CAST: variants seen among roughly 807,000 people sequenced by gnomAD.
The protein encoded by CAST is calpastatin.
CAST carries 76 observed loss-of-function variants against 119.6 expected under a neutral mutation model. The ratio of observed to expected loss-of-function variants is 0.64; its 90% CI spans 0.53 to 0.77. The LOEUF (loss-of-function observed/expected upper bound fraction) is 0.77, where lower values mean the gene tolerates loss of function less well. CAST is among the 30% of genes least tolerant of loss of function. CAST has a pLI of 0.00. For synonymous variants in CAST, 319 were observed against 331.6 expected, an observed-to-expected ratio of 0.96 and a Z score of 0.41; for missense variants, 953 against 946.5, an observed-to-expected ratio of 1.01 and a Z score of -0.09.
the CAST span, among the ~76,000 whole-genome samples, chr5:96,308,058 GT>G: frequency 4.6e-5 from 7 of 152,244 alleles, no homozygotes; most frequent in East Asian, 1.4e-3. Context: ...TTCCAACTTG[GT>G]TCCATTCTCC....
upstream of CAST, among the ~76,000 whole-genome samples, chr5:96,658,504 T>C (rs1176131502): frequency 1.3e-5 from 2 of 152,204 alleles, no homozygotes; most frequent in African/African-American, 4.8e-5. Context: ...GAATGCTGGT[T>C]GAATGGAAAC....
the CAST span, among the ~76,000 whole-genome samples, chr5:96,089,461 G>T: frequency 6.6e-6 from 1 of 152,112 alleles, no homozygotes; most frequent in Non-Finnish European, 1.5e-5. Context: ...TTTAACAAAA[G>T]GTCCACTTAA....
chr5:96,149,587 C>A, the CAST span, among the ~76,000 whole-genome samples: 1 of 152,176 alleles, frequency 6.6e-6, no homozygotes, highest in African/African-American at 2.4e-5. Flanking sequence ...AAGGGCAAAT[C>A]ATGGGGGTTA....
chr5:96,162,405 G>C, the CAST span, among the ~76,000 whole-genome samples: 1 of 152,016 alleles, frequency 6.6e-6, no homozygotes, highest in African/African-American at 2.4e-5. Context: ...AGCACGGGAT[G>C]GTATATTGTT....
the CAST span, among the ~76,000 whole-genome samples, chr5:96,212,786 G>A: frequency 1.3e-5 from 2 of 151,900 alleles, no homozygotes; most frequent in African/African-American, 4.8e-5. Flanking sequence ...ACACATTTAC[G>A]ACTTCTATGT....
the CAST span, among the ~76,000 whole-genome samples, chr5:96,306,121 C>A: frequency 6.6e-6 from 1 of 152,128 alleles, no homozygotes; most frequent in Non-Finnish European, 1.5e-5. Context: ...GTCTCAATTT[C>A]AGAACTTGTT....
At chr5:96,494,079 A>T in the CAST span, among the ~76,000 whole-genome samples, 1 of 152,320 alleles carries the variant, frequency 6.6e-6, no homozygotes, top group East Asian at 1.9e-4. Context: ...ACTTATTCTA[A>T]TCCCTCATTG....
At chr5:96,624,276 TCC>T (rs1747678628) in intron 1 of CAST, among the ~76,000 whole-genome samples, 2 of 152,326 alleles carry the variant, frequency 1.3e-5, no homozygotes, top group African/African-American at 4.8e-5. Flanking sequence ...GAAGCAACTA[TCC>T]TTAGACAGTA....
At chr5:96,370,142 G>A in the CAST span, among the ~76,000 whole-genome samples, 1 of 151,130 alleles carries the variant, frequency 6.6e-6, no homozygotes, top group African/African-American at 2.4e-5. Flanking sequence ...ATATTTTATA[G>A]TTTATTATAT....
At chr5:96,068,324 G>A in the CAST span, among the ~76,000 whole-genome samples, 34 of 152,024 alleles carry the variant, frequency 2.2e-4, no homozygotes, top group African/African-American at 7.0e-4. Context: ...TGTCTGTCTT[G>A]GGTCTTGTCT....
intron 1 of CAST, among the ~76,000 whole-genome samples, chr5:96,589,960 T>A (rs1031455676): frequency 1.3e-5 from 2 of 152,230 alleles, no homozygotes; most frequent in African/African-American, 4.8e-5. Context: ...TTTTGAAGTT[T>A]CTCAGATATT....
intron 1 of CAST, among the ~76,000 whole-genome samples, chr5:96,564,543 CG>C (rs1375647648): frequency 6.6e-6 from 1 of 152,194 alleles, no homozygotes; most frequent in Non-Finnish European, 1.5e-5. Flanking sequence ...CTTGCTGTAA[CG>C]GAAGTCCTTT....
At chr5:96,571,232 A>AGCG (rs1296911955) in intron 1 of CAST, among the ~76,000 whole-genome samples, 1 of 152,116 alleles carries the variant, frequency 6.6e-6, no homozygotes, top group African/African-American at 2.4e-5. Flanking sequence ...TTCCGTAGAG[A>AGCG]TAGGCAGCGC....
At chr5:96,115,067 C>T in the CAST span, among the ~76,000 whole-genome samples, 1 of 152,188 alleles carries the variant, frequency 6.6e-6, no homozygotes, top group Non-Finnish European at 1.5e-5. Context: ...GAGTGTATAG[C>T]ATTTAACAGA....
chr5:96,708,762 ATTTC>A (rs1287916117), intron 3 of CAST, among the ~76,000 whole-genome samples: 1 of 152,046 alleles, frequency 6.6e-6, no homozygotes, highest in Non-Finnish European at 1.5e-5. Flanking sequence ...CTTCACCTCT[ATTTC>A]TTTCTTCACT....
At chr5:96,393,280 T>A in the CAST span, 2 of 1,613,898 alleles carry the variant, frequency 1.2e-6, no homozygotes, top group Non-Finnish European at 1.7e-6. Flanking sequence ...GGGAAGGGGC[T>A]CCCTCCTCCA....
the CAST span, among the ~76,000 whole-genome samples, chr5:96,435,731 C>T: frequency 6.6e-6 from 1 of 152,106 alleles, no homozygotes; most frequent in African/African-American, 2.4e-5. Context: ...AAGTGATTGC[C>T]ATGCCTTTCA....
intron 1 of CAST, among the ~76,000 whole-genome samples, chr5:96,611,373 C>T (rs1747358163): frequency 6.6e-6 from 1 of 152,026 alleles, no homozygotes; most frequent in Non-Finnish European, 1.5e-5. Context: ...ACACCCTGTT[C>T]GACAAATGGT....
At chr5:96,433,277 G>A in the CAST span, 4 of 569,220 alleles carry the variant, frequency 7.0e-6, no homozygotes, top group African/African-American at 3.8e-5. Context: ...AGCCAGAATG[G>A]AAATGAGTGT....
Sources: gnomAD v4.1 joint callset for allele counts (sites outside exome capture counted in the v4.1 genomes callset) on GRCh38, gnomAD v4.1.1 for gene constraint, MANE v1.5 for transcripts, NCBI Gene and HGNC (gene_info 2026-07-23, HGNC 2026-07-21) for gene names.